GABRB1: variants seen among roughly 807,000 people sequenced by gnomAD.
GABRB1 encodes gamma-aminobutyric acid type A receptor subunit beta1.
Under a neutral mutation model 51.6 loss-of-function variants are expected in GABRB1, and 17 were observed. The ratio of observed to expected loss-of-function variants is 0.33; its 90% CI spans 0.23 to 0.49. The LOEUF (loss-of-function observed/expected upper bound fraction) is 0.49. Ranked by LOEUF, GABRB1 falls within the 20% of genes least tolerant of loss-of-function variation. GABRB1 has a pLI of 0.99. For synonymous variants in GABRB1, 247 were observed against 218.9 expected, an observed-to-expected ratio of 1.13 and a Z score of -1.14; for missense variants, 410 against 600.6, an observed-to-expected ratio of 0.68 and a Z score of 3.32.
At chr4:47,317,880 T>C (rs903691799) in intron 4 of GABRB1, among the ~76,000 whole-genome samples, 2 of 151,996 alleles carry the variant, frequency 1.3e-5, no homozygotes, top group African/African-American at 4.8e-5. Context: ...TGAATCATCC[T>C]TGTATCCCAG....
chr4:47,197,090 C>A (rs1156745685), intron 4 of GABRB1, among the ~76,000 whole-genome samples: 3 of 152,212 alleles, frequency 2.0e-5, no homozygotes, highest in African/African-American at 7.2e-5. Context: ...GCCAGGATTC[C>A]TCTTAGAACC....
intron 3 of GABRB1, among the ~76,000 whole-genome samples, chr4:47,104,880 T>A (rs1270800324): frequency 6.6e-6 from 1 of 152,038 alleles, no homozygotes; most frequent in Non-Finnish European, 1.5e-5. Context: ...TAATCATCTT[T>A]TAAAAAATTC....
chr4:47,105,079 C>T lies in GABRB1; in HGVS notation c.241-56170C>T, dbSNP rs557448778. Among the ~76,000 whole-genome samples, 14 of 152,190 alleles carry T rather than the reference C, an allele frequency of 9.2e-5. No homozygotes were observed. In the South Asian group the frequency reaches 2.3e-3, roughly 25 times the overall value. ...TATTATTTGTTCCAGGAAATAAACA[C>T]TCCTTATCTCTTGCTGGCCTTCCAC... is the stretch of plus-strand genomic sequence containing the variant. On this transcript the variant is annotated intron_variant, in intron 3 of 8. Coordinates refer to ENST00000295454, the MANE Select transcript of GABRB1 (RefSeq NM_000812.4).
At chr4:47,392,280 A>C (rs779972189) in intron 5 of GABRB1, among the ~76,000 whole-genome samples, 5 of 151,474 alleles carry the variant, frequency 3.3e-5, no homozygotes, top group Non-Finnish European at 5.9e-5. Flanking sequence ...GTCGCCAGAA[A>C]CTGAGGCACT....
intron 3 of GABRB1, among the ~76,000 whole-genome samples, chr4:47,061,734 G>C (rs573315011): frequency 8.9e-4 from 136 of 152,132 alleles, no homozygotes; most frequent in Non-Finnish European, 9.7e-4. Flanking sequence ...ATTCCTCTGT[G>C]GGGGGTGGTC....
chr4:47,303,367 GCTCTCT>G (rs71602426), intron 4 of GABRB1, among the ~76,000 whole-genome samples: 2,509 of 138,458 alleles, frequency 0.018, 60 homozygotes, highest in African/African-American at 0.063. Context: ...TTGAAGGTGT[GCTCTCT>G]CTCTCTCTCT....
At chr4:47,078,123 G>A (rs1285123134) in intron 3 of GABRB1, among the ~76,000 whole-genome samples, 2 of 150,110 alleles carry the variant, frequency 1.3e-5, no homozygotes, top group Non-Finnish European at 3.0e-5. Context: ...CTGAGAAGTT[G>A]GGATTACAGG....
chr4:47,186,161 C>T (rs1453748885), intron 4 of GABRB1, among the ~76,000 whole-genome samples: 6 of 146,458 alleles, frequency 4.1e-5, no homozygotes, highest in South Asian at 2.1e-4. Flanking sequence ...AATAGAATTT[C>T]GATGAACATT....
At chr4:47,424,590 A>G (rs1238007731) in intron 8 of GABRB1, among the ~76,000 whole-genome samples, 13 of 152,108 alleles carry the variant, frequency 8.5e-5, no homozygotes, top group Admixed American at 6.5e-4. Flanking sequence ...TTAAGTGTTT[A>G]CTAAGATTAA....
chr4:47,021,426 G>T (rs1414787848), intron 1 of GABRB1, among the ~76,000 whole-genome samples: 1 of 152,040 alleles, frequency 6.6e-6, no homozygotes, highest in East Asian at 1.9e-4. Context: ...TGCCATGTGT[G>T]GACACAGGAA....
At chr4:47,403,738 G>A in intron 7 of GABRB1, 27 bp downstream of exon 7, 3 of 1,598,084 alleles carry the variant, frequency 1.9e-6, no homozygotes, top group Non-Finnish European at 2.6e-6. Flanking sequence ...ACTGCAGAGA[G>A]CTAACAGATT....
At chr4:47,359,833 T>C (rs947726322) in intron 5 of GABRB1, among the ~76,000 whole-genome samples, 2 of 152,142 alleles carry the variant, frequency 1.3e-5, no homozygotes, top group Non-Finnish European at 2.9e-5. Context: ...GGGTAATTTG[T>C]GGTCAAAAGA....
At chr4:47,425,489 G>GATAGATAGAT (rs1157667745) in intron 8 of GABRB1, among the ~76,000 whole-genome samples, 185 bp from the exon 9 acceptor site, 3 of 140,082 alleles carry the variant, frequency 2.1e-5, no homozygotes, top group Admixed American at 1.4e-4. Flanking sequence ...ATGATAGATA[G>GATAGATAGAT]ATAGATAGAT....
Position 47,314,614 on chromosome 4 carries a change from A to T in GABRB1, c.462-5513A>T, listed in dbSNP as rs58237829. ...GCCACAAATATTGGATTCTAATTTT[A>T]TTTAAAACTATTGTTACTTTTTGCT... On this transcript the variant is annotated intron_variant, in intron 4 of 8. Transcript: ENST00000295454. Among the ~76,000 whole-genome samples the T allele has an allele frequency of 7.1e-3, 1,075 of 152,046 alleles. 12 individuals are homozygous for T. Among genetic ancestry groups the T allele is most frequent in the African/African-American group, 0.025 (1,029 of 41,536 alleles).
chr4:47,017,519 A>C (rs1435346456), intron 1 of GABRB1, among the ~76,000 whole-genome samples: 1 of 152,214 alleles, frequency 6.6e-6, no homozygotes, highest in Non-Finnish European at 1.5e-5. Context: ...ACCAAAGGCT[A>C]AATCCAAATA....
At chr4:47,261,647 C>G (rs1722441634) in intron 4 of GABRB1, among the ~76,000 whole-genome samples, 1 of 151,912 alleles carries the variant, frequency 6.6e-6, no homozygotes, top group African/African-American at 2.4e-5. Flanking sequence ...AATGCCATCC[C>G]CATCAAGCTA....
intron 5 of GABRB1, among the ~76,000 whole-genome samples, chr4:47,368,831 G>C (rs1342146294): frequency 6.6e-6 from 1 of 152,060 alleles, no homozygotes; most frequent in African/African-American, 2.4e-5. Context: ...CTCTTGGCCA[G>C]GCATGGTGGC....
intron 5 of GABRB1, among the ~76,000 whole-genome samples, chr4:47,327,485 T>A (rs1256571529): frequency 6.6e-6 from 1 of 152,224 alleles, no homozygotes; most frequent in Non-Finnish European, 1.5e-5. Flanking sequence ...AATGAAACTA[T>A]GAATTTTTTT....
intron 1 of GABRB1, among the ~76,000 whole-genome samples, chr4:47,018,219 G>T (rs1240641020): frequency 2.7e-5 from 4 of 149,910 alleles, no homozygotes; most frequent in Non-Finnish European, 5.9e-5. Context: ...GGAGAGACAG[G>T]CTCTCCATAT....
Sources: gnomAD v4.1 joint callset for allele counts (sites outside exome capture counted in the v4.1 genomes callset) on GRCh38, gnomAD v4.1.1 for gene constraint, MANE v1.5 for transcripts, NCBI Gene and HGNC (gene_info 2026-07-23, HGNC 2026-07-21) for gene names.